TBL1X: variants seen among roughly 807,000 people sequenced by gnomAD.
TBL1X encodes the protein F-box-like/WD repeat-containing protein TBL1X.
Under a neutral mutation model 50.7 loss-of-function variants are expected in TBL1X, and 10 were observed. That is an observed-to-expected ratio of 0.20 (90% CI 0.12 to 0.33). The LOEUF (loss-of-function observed/expected upper bound fraction) is 0.33, where lower values mean the gene tolerates loss of function less well. Among genes scored for constraint, TBL1X ranks in the 10% least tolerant of loss-of-function variants. The pLI is 1.00. For synonymous variants in TBL1X, 190 were observed against 214.7 expected (o/e 0.88, Z 1.01); for missense variants, 340 against 504.4 (o/e 0.67, Z 3.12).
chrX:9,485,901 ATTTAT>A (rs978485603), intron 1 of TBL1X, among the ~76,000 whole-genome samples: 1 of 111,338 alleles, frequency 9.0e-6, no homozygotes. Flanking sequence ...TGTATTTGTT[ATTTAT>A]TTTATTTTAT....
At chrX:9,540,773 T>G (rs1203564583) in intron 2 of TBL1X, among the ~76,000 whole-genome samples, 1 of 112,549 alleles carries the variant, frequency 8.9e-6, no homozygotes, top group Non-Finnish European at 1.9e-5. Flanking sequence ...ACTAGTGCTT[T>G]GGATGTTCTT....
chrX:9,536,723 C>T (rs148674715), intron 2 of TBL1X, among the ~76,000 whole-genome samples: 7 of 111,874 alleles, frequency 6.3e-5, no homozygotes, highest in South Asian at 3.8e-4. Flanking sequence ...TAAGACTAGA[C>T]GCATGTTACT....
At chrX:9,641,615 T>C (rs996009780) in intron 3 of TBL1X, among the ~76,000 whole-genome samples, 1 of 112,675 alleles carries the variant, frequency 8.9e-6, no homozygotes, top group Non-Finnish European at 1.9e-5. Context: ...GCCAGACATA[T>C]GCATATGTAG....
At chrX:9,590,075 A>AG (rs1420070415) in intron 2 of TBL1X, among the ~76,000 whole-genome samples, 1 of 110,991 alleles carries the variant, frequency 9.0e-6, no homozygotes, top group African/African-American at 3.3e-5. Context: ...CAAAGCATTA[A>AG]GAGTGACAAG....
At chrX:9,520,820 G>T (rs1192328644) in intron 2 of TBL1X, among the ~76,000 whole-genome samples, 4 of 111,303 alleles carry the variant, frequency 3.6e-5, no homozygotes, top group Non-Finnish European at 7.5e-5. Flanking sequence ...GGCCAGGCAT[G>T]GTGGCTCATG....
chrX:9,522,742 T>C (rs1569214244), intron 2 of TBL1X, among the ~76,000 whole-genome samples: 1 of 111,812 alleles, frequency 8.9e-6, no homozygotes, highest in Non-Finnish European at 1.9e-5. Context: ...TGGAGTTCAT[T>C]GCCCCCACTT....
chrX:9,465,959 C>A (rs779974129), intron 1 of TBL1X, among the ~76,000 whole-genome samples: 244 of 112,965 alleles, frequency 2.2e-3, no homozygotes, highest in African/African-American at 7.4e-3. Flanking sequence ...CGCAGCCTCG[C>A]GGAGTGGGGC....
chrX:9,663,998 A>G (rs1481643253), intron 5 of TBL1X, among the ~76,000 whole-genome samples: 1 of 111,319 alleles, frequency 9.0e-6, no homozygotes, highest in Non-Finnish European at 1.9e-5. Context: ...GTAGGATCAA[A>G]CTGCATAGAT....
intron 2 of TBL1X, among the ~76,000 whole-genome samples, chrX:9,603,947 G>A (rs1217515192): frequency 9.0e-6 from 1 of 111,583 alleles, no homozygotes; most frequent in African/African-American, 3.3e-5. Context: ...AAGGACACCA[G>A]TCATGTTAGA....
intron 12 of TBL1X, among the ~76,000 whole-genome samples, chrX:9,698,936 G>A (rs755471722): frequency 1.0e-3 from 112 of 111,629 alleles, no homozygotes; most frequent in Middle Eastern, 9.3e-3. Flanking sequence ...TAGAGATTCC[G>A]ATTTTCCAGA....
intron 2 of TBL1X, among the ~76,000 whole-genome samples, chrX:9,576,906 G>A (rs1472903820): frequency 1.8e-5 from 2 of 109,966 alleles, no homozygotes; most frequent in Non-Finnish European, 3.8e-5. Context: ...AGGCTGAGGT[G>A]GGAGGGTTGC....
intron 2 of TBL1X, among the ~76,000 whole-genome samples, chrX:9,589,330 G>A (rs1053255236): frequency 1.8e-5 from 2 of 109,051 alleles, no homozygotes; most frequent in Admixed American, 1.9e-4. Context: ...GGTTGTTTGC[G>A]TCTGGAGCCT....
intron 1 of TBL1X, among the ~76,000 whole-genome samples, chrX:9,469,509 G>A (rs1277923422): frequency 8.9e-6 from 1 of 112,541 alleles, no homozygotes; most frequent in East Asian, 2.8e-4. Flanking sequence ...TGGGAATTGG[G>A]TCTGGAAAGG....
chrX:9,694,237 A>G (rs937812135), intron 11 of TBL1X, among the ~76,000 whole-genome samples: 12 of 40,670 alleles, frequency 3.0e-4, no homozygotes, highest in Non-Finnish European at 5.1e-4. Flanking sequence ...AGAATTGAGA[A>G]AAAAAAAAAA....
chrX:9,604,963 G>T (rs927109103), intron 2 of TBL1X, among the ~76,000 whole-genome samples: 40 of 111,386 alleles, frequency 3.6e-4, no homozygotes, highest in African/African-American at 1.2e-3. Context: ...CATCTTTCAA[G>T]ACACTGTGGC....
chrX:9,700,487 C>T (rs1421338050), intron 12 of TBL1X, among the ~76,000 whole-genome samples: 1 of 112,130 alleles, frequency 8.9e-6, no homozygotes, highest in Admixed American at 9.5e-5. Flanking sequence ...GTGAGCTTCT[C>T]ACCTGTGATC....
chrX:9,546,175 G>A (rs1427668259), intron 2 of TBL1X, among the ~76,000 whole-genome samples: 1 of 111,787 alleles, frequency 8.9e-6, no homozygotes, highest in East Asian at 2.8e-4. Flanking sequence ...TTTTCCTTTG[G>A]TGGTTTTAGC....
At chrX:9,604,886 G>A (rs1315738895) in intron 2 of TBL1X, among the ~76,000 whole-genome samples, 2 of 111,010 alleles carry the variant, frequency 1.8e-5, no homozygotes, top group Admixed American at 9.6e-5. Context: ...GGCCTTTCCC[G>A]TGGAGTCTTG....
intron 2 of TBL1X, among the ~76,000 whole-genome samples, chrX:9,601,426 G>C (rs756067528): frequency 2.4e-4 from 27 of 111,636 alleles, no homozygotes; most frequent in Non-Finnish European, 4.5e-4. Flanking sequence ...GGCAGCTTCT[G>C]TAGAGACAGG....
Sources: gnomAD v4.1 joint callset for allele counts (sites outside exome capture counted in the v4.1 genomes callset) on GRCh38, gnomAD v4.1.1 for gene constraint, MANE v1.5 for transcripts, NCBI Gene and HGNC (gene_info 2026-07-23, HGNC 2026-07-21) for gene names.